Variants in CALN1 observed in about 807,000 individuals in gnomAD.
The protein encoded by CALN1 is calneuron 1, also known as calcium-binding protein 8.
A neutral mutation model predicts 30.6 loss-of-function variants in CALN1; 17 were observed. The ratio of observed to expected loss-of-function variants is 0.56; its 90% CI spans 0.38 to 0.83. The LOEUF is 0.83. Ranked by LOEUF, CALN1 falls within the 40% of genes least tolerant of loss-of-function variation. CALN1 has a pLI of 0.00. For missense variants in CALN1, 291 were observed against 354.9 expected (o/e 0.82, Z 1.45); for synonymous variants, 156 against 131.4 (o/e 1.19, Z -1.28).
chr7:72,435,547 C>T (rs560318802), intron 1 of CALN1, among the ~76,000 whole-genome samples: 1 of 152,266 alleles, frequency 6.6e-6, no homozygotes, highest in African/African-American at 2.4e-5. Flanking sequence ...CAATTGCAGC[C>T]CCGGAGAGCC....
intron 3 of CALN1, among the ~76,000 whole-genome samples, chr7:72,137,368 C>G (rs771509419): frequency 7.2e-5 from 11 of 152,146 alleles, no homozygotes; most frequent in Admixed American, 2.0e-4. Flanking sequence ...TGCTCTGTCA[C>G]ACAGATCATC....
chr7:72,394,960 C>T (rs996830979), intron 2 of CALN1, among the ~76,000 whole-genome samples: 3 of 152,254 alleles, frequency 2.0e-5, no homozygotes, highest in South Asian at 2.1e-4. Context: ...GCCCAGCCTA[C>T]ATTCTATTCT....
At chr7:72,178,626 T>C (rs556264394) in intron 3 of CALN1, among the ~76,000 whole-genome samples, 3 of 151,598 alleles carry the variant, frequency 2.0e-5, no homozygotes, top group Non-Finnish European at 2.9e-5. Flanking sequence ...GAGGCGGAGG[T>C]TGCAGTGAGC....
intron 5 of CALN1, among the ~76,000 whole-genome samples, chr7:71,928,213 G>A (rs1328344034): frequency 6.6e-6 from 1 of 152,150 alleles, no homozygotes; most frequent in Non-Finnish European, 1.5e-5. Flanking sequence ...GTGGGCGCAA[G>A]CCTATATTCT....
At chr7:71,905,964 G>C (rs1271433522) in intron 5 of CALN1, among the ~76,000 whole-genome samples, 1 of 152,092 alleles carries the variant, frequency 6.6e-6, no homozygotes, top group Non-Finnish European at 1.5e-5. Context: ...AGAGAGAAGA[G>C]GAAGCAAAAG....
chr7:71,972,252 A>T (rs923575978), intron 5 of CALN1, among the ~76,000 whole-genome samples: 5 of 152,110 alleles, frequency 3.3e-5, no homozygotes, highest in African/African-American at 1.2e-4. Flanking sequence ...TTCGTTCTGA[A>T]CACCCCACAG....
chr7:72,484,323 G>T, the CALN1 span, among the ~76,000 whole-genome samples: 1 of 151,834 alleles, frequency 6.6e-6, no homozygotes, highest in Non-Finnish European at 1.5e-5. Flanking sequence ...TTTGGGTCTT[G>T]ATTTTAAGAT....
chr7:72,104,380 GTGTTCT>G (rs1292256265), intron 4 of CALN1, among the ~76,000 whole-genome samples: 5 of 152,142 alleles, frequency 3.3e-5, no homozygotes, highest in African/African-American at 1.2e-4. Context: ...AGTGATGAAG[GTGTTCT>G]TTTATTTTCC....
intron 5 of CALN1, among the ~76,000 whole-genome samples, chr7:72,018,603 C>T (rs1800533536): frequency 6.6e-6 from 1 of 152,134 alleles, no homozygotes; most frequent in Non-Finnish European, 1.5e-5. Flanking sequence ...GGACTGGAGA[C>T]CCTGGGGCAT....
At chr7:72,036,993 AGTTT>A (rs1801840007) in intron 4 of CALN1, among the ~76,000 whole-genome samples, 1 of 151,462 alleles carries the variant, frequency 6.6e-6, no homozygotes, top group African/African-American at 2.4e-5. Flanking sequence ...GTATTGTTTT[AGTTT>A]TTGTTTACTG....
In CALN1 at chr7:72,195,138, C is replaced by G. The variant is rs375935581; in HGVS notation, c.244+83548G>C. On this transcript the variant is annotated intron_variant, in intron 3 of 6. Coordinates refer to ENST00000395275, the MANE Select transcript of CALN1 (RefSeq NM_031468.4). ...GTGCCTTCATGCATCAGCTCAGACTCACACCACTGCCTGAAGCGTCTGTCT... is the reference window on the plus strand; with the variant it reads ...GTGCCTTCATGCATCAGCTCAGACTGACACCACTGCCTGAAGCGTCTGTCT... Among the ~76,000 whole-genome samples the G allele has an allele frequency of 1.5e-4, 23 of 152,290 alleles. No individual in the cohort carries two copies. In the East Asian group the frequency reaches 2.9e-3, roughly 19 times the overall value.
chr7:72,103,771 A>G (rs879653719), intron 4 of CALN1, among the ~76,000 whole-genome samples: 2 of 151,272 alleles, frequency 1.3e-5, no homozygotes, highest in Non-Finnish European at 2.9e-5. Context: ...AGGGGGGGGG[A>G]AGGAGGCTGA....
chr7:72,122,543 C>A (rs1008708189), intron 3 of CALN1, among the ~76,000 whole-genome samples: 2 of 152,058 alleles, frequency 1.3e-5, no homozygotes, highest in African/African-American at 4.8e-5. Flanking sequence ...TCGAGACTAA[C>A]CTGGGCAACT....
At chr7:72,292,494 A>G (rs117051263) in intron 2 of CALN1, among the ~76,000 whole-genome samples, 16 of 148,926 alleles carry the variant, frequency 1.1e-4, no homozygotes, top group African/African-American at 3.5e-4. Flanking sequence ...CTCAAAGGCC[A>G]TATCTGCTAA....
intron 3 of CALN1, among the ~76,000 whole-genome samples, chr7:72,167,738 C>T (rs950224076): frequency 1.3e-5 from 2 of 152,278 alleles, no homozygotes; most frequent in Middle Eastern, 3.4e-3. Flanking sequence ...TAAAGACAGA[C>T]GTTGGAGAAA....
intron 3 of CALN1, among the ~76,000 whole-genome samples, chr7:72,157,836 C>T (rs1191866583): frequency 6.6e-6 from 1 of 152,160 alleles, no homozygotes; most frequent in Non-Finnish European, 1.5e-5. Flanking sequence ...CTGTGCCTCC[C>T]CCATTCAAGC....
chr7:71,858,367 G>A (rs1414479154), intron 5 of CALN1, among the ~76,000 whole-genome samples: 1 of 152,128 alleles, frequency 6.6e-6, no homozygotes, highest in Non-Finnish European at 1.5e-5. Flanking sequence ...TCTCGGGTAT[G>A]TCTTTATTAG....
intron 2 of CALN1, among the ~76,000 whole-genome samples, chr7:72,309,818 C>A (rs1352075816): frequency 6.6e-6 from 1 of 152,190 alleles, no homozygotes; most frequent in South Asian, 2.1e-4. Flanking sequence ...CCTGAAACGA[C>A]CTTCCTTCAT....
At chr7:71,849,660 A>G (rs1460263270) in intron 5 of CALN1, among the ~76,000 whole-genome samples, 1 of 152,144 alleles carries the variant, frequency 6.6e-6, no homozygotes, top group African/African-American at 2.4e-5. Flanking sequence ...TTTTTCTTTT[A>G]AAAGGCAGGA....
Sources: gnomAD v4.1 joint callset for allele counts (sites outside exome capture counted in the v4.1 genomes callset) on GRCh38, gnomAD v4.1.1 for gene constraint, MANE v1.5 for transcripts, NCBI Gene and HGNC (gene_info 2026-07-23, HGNC 2026-07-21) for gene names.